DCC: variants seen among roughly 807,000 people sequenced by gnomAD.
The protein encoded by DCC is netrin receptor DCC.
A neutral mutation model predicts 172.5 loss-of-function variants in DCC; 58 were observed. The ratio of observed to expected loss-of-function variants is 0.34; its 90% confidence interval spans 0.27 to 0.42. The LOEUF is 0.42. Ranked by LOEUF, DCC falls within the 10% of genes least tolerant of loss-of-function variation. The pLI, the probability that DCC is intolerant of heterozygous loss-of-function variation, is 1.00. For missense variants in DCC, 1,740 were observed against 1,791.0 expected, an observed-to-expected ratio of 0.97 and a Z score of 0.51; for synonymous variants, 709 against 644.5, an observed-to-expected ratio of 1.10 and a Z score of -1.52.
At chr18:53,446,269 G>A (rs150538991) in intron 22 of DCC, among the ~76,000 whole-genome samples, 90 of 152,214 alleles carry the variant, frequency 5.9e-4, no homozygotes, top group African/African-American at 2.0e-3. Flanking sequence ...AGTAGTCACA[G>A]AGTGAGACCC....
At chr18:53,069,727 C>A (rs73957017) in intron 7 of DCC, among the ~76,000 whole-genome samples, 1 of 152,084 alleles carries the variant, frequency 6.6e-6, no homozygotes, top group African/African-American at 2.4e-5. Context: ...TCCATCCTCC[C>A]CTCTCTGACC....
At chr18:53,190,084 G>A (rs1219450379) in intron 9 of DCC, among the ~76,000 whole-genome samples, 3 of 152,030 alleles carry the variant, frequency 2.0e-5, no homozygotes, top group Admixed American at 6.6e-5. Flanking sequence ...GCGCCACCAC[G>A]CCCGGCTAAT....
intron 2 of DCC, among the ~76,000 whole-genome samples, chr18:52,839,476 CCT>C (rs1391680780): frequency 2.0e-5 from 3 of 152,120 alleles, no homozygotes; most frequent in Non-Finnish European, 4.4e-5. Flanking sequence ...CAATTACAGT[CCT>C]CTCATTACAG....
chr18:53,262,604 T>C (rs980665203), intron 12 of DCC, among the ~76,000 whole-genome samples: 1 of 152,242 alleles, frequency 6.6e-6, no homozygotes, highest in African/African-American at 2.4e-5. Context: ...TTATATAATT[T>C]CATATGTGTT....
intron 5 of DCC, among the ~76,000 whole-genome samples, chr18:52,927,702 A>G (rs574505977): frequency 5.3e-5 from 8 of 152,196 alleles, no homozygotes; most frequent in South Asian, 2.1e-4. Flanking sequence ...GAAAACCACA[A>G]TGAGAACCAC....
At position 52,612,081 on chromosome 18, in the gene DCC, T is replaced by C. The variant is rs186281261; in HGVS notation, c.92-139973T>C. Among the ~76,000 whole-genome samples, 98 of 152,306 alleles carry C rather than the reference T, an allele frequency of 6.4e-4. 2 individuals carry two copies. The highest frequency in any genetic ancestry group is 2.2e-3 in the African/African-American group (90 of 41,562). On this transcript the variant is annotated intron_variant, in intron 1 of 28. Transcript: ENST00000442544. ...TGTGGGTTGATGACTCTCCTGTTGA[T>C]ATGCTTACCCAGAATTTCACTCCAA...
At chr18:53,061,527 A>G (rs1203577091) in intron 5 of DCC, among the ~76,000 whole-genome samples, 1 of 152,124 alleles carries the variant, frequency 6.6e-6, no homozygotes, top group Non-Finnish European at 1.5e-5. Flanking sequence ...GGAAAGAAGA[A>G]CTTAAATAAT....
chr18:52,462,456 C>T (rs1988660905), intron 1 of DCC, among the ~76,000 whole-genome samples: 1 of 152,152 alleles, frequency 6.6e-6, no homozygotes, highest in Non-Finnish European at 1.5e-5. Context: ...TGCCTCGTGT[C>T]AGCCTCAGGC....
At chr18:53,279,586 A>G (rs1219835352) in intron 12 of DCC, among the ~76,000 whole-genome samples, 1 of 151,212 alleles carries the variant, frequency 6.6e-6, no homozygotes. Flanking sequence ...AACATGGCAC[A>G]TGTATACATA....
intron 1 of DCC, among the ~76,000 whole-genome samples, chr18:52,628,222 C>T (rs2034609454): frequency 6.6e-6 from 1 of 152,044 alleles, no homozygotes; most frequent in Admixed American, 6.5e-5. Context: ...GCAGAATCTT[C>T]AAAACTGTTT....
chr18:53,339,210 C>T (rs747289809), intron 14 of DCC, among the ~76,000 whole-genome samples: 9 of 152,216 alleles, frequency 5.9e-5, no homozygotes, highest in Non-Finnish European at 1.3e-4. Flanking sequence ...AACCATGAAT[C>T]AAGTACCATC....
At chr18:53,333,182 A>C (rs1297314256) in intron 14 of DCC, among the ~76,000 whole-genome samples, 2 of 152,248 alleles carry the variant, frequency 1.3e-5, no homozygotes, top group Non-Finnish European at 1.5e-5. Flanking sequence ...ATAAATACAC[A>C]AACAGCCTTT....
At chr18:52,365,528 G>GC (rs1215298777) in intron 1 of DCC, among the ~76,000 whole-genome samples, 3 of 152,006 alleles carry the variant, frequency 2.0e-5, no homozygotes, top group East Asian at 3.9e-4. Context: ...TGCTTGGGTG[G>GC]GGTTTATGGT....
chr18:53,198,444 T>C lies in DCC; in HGVS notation c.1574-6772T>C, dbSNP rs1194799241. On this transcript the variant is annotated intron_variant, in intron 9 of 28. Coordinates refer to ENST00000442544, the MANE Select transcript of DCC (RefSeq NM_005215.4). ...ATTAAACTGAGCAGCTCTCTCTCTC[T>C]CTCTCTCTCTCACACACACACACAT... Among the ~76,000 whole-genome samples the C allele has an allele frequency of 2.6e-5, 4 of 151,792 alleles. No homozygotes were observed. The East Asian group carries it at 7.7e-4, about 29-fold the overall frequency.
chr18:53,285,464 G>T (rs1193000109), intron 12 of DCC, among the ~76,000 whole-genome samples: 1 of 152,204 alleles, frequency 6.6e-6, no homozygotes, highest in Non-Finnish European at 1.5e-5. Context: ...CAGGTACACA[G>T]AAGTCAAGAA....
At position 53,488,141 on chromosome 18, in the gene DCC, T is replaced by C. The variant is rs113363995; in HGVS notation, c.3898+1183T>C. On this transcript the variant is annotated intron_variant, in intron 26 of 28. Transcript: ENST00000442544. Reference sequence around the variant, plus strand: ...GAAACATGAAAAGAATGTGTAGACTTTCAGAGGCTGAGGTGGGCAGATCAC... The same window carrying C: ...GAAACATGAAAAGAATGTGTAGACTCTCAGAGGCTGAGGTGGGCAGATCAC... 5.4e-3 allele frequency among the ~76,000 whole-genome samples: 820 copies of C among 152,360 alleles called. 4 individuals are homozygous for C. Among genetic ancestry groups the C allele is most frequent in the African/African-American group, 0.019 (772 of 41,580 alleles).
intron 7 of DCC, among the ~76,000 whole-genome samples, chr18:53,133,671 A>G (rs146624319): frequency 1.3e-5 from 2 of 152,212 alleles, no homozygotes; most frequent in East Asian, 3.9e-4. Context: ...ATTAGCTACA[A>G]CTCCTTTCTC....
intron 7 of DCC, among the ~76,000 whole-genome samples, chr18:53,082,161 A>G (rs1314191561): frequency 6.6e-6 from 1 of 152,150 alleles, no homozygotes; most frequent in Non-Finnish European, 1.5e-5. Flanking sequence ...CGTCCTTATC[A>G]ATTTATGCCA....
At chr18:53,259,626 C>G (rs1016092103) in intron 12 of DCC, among the ~76,000 whole-genome samples, 1 of 152,172 alleles carries the variant, frequency 6.6e-6, no homozygotes, top group African/African-American at 2.4e-5. Flanking sequence ...TGACCTTTCT[C>G]TGTGGCTGCC....
Sources: allele counts gnomAD v4.1 joint callset (sites outside exome capture counted in the v4.1 genomes callset), GRCh38; gene constraint gnomAD v4.1.1; transcripts MANE v1.5; gene names NCBI Gene and HGNC (gene_info 2026-07-23, HGNC 2026-07-21).